AGBL1: variants seen among roughly 807,000 people sequenced by gnomAD.
AGBL1 encodes AGBL carboxypeptidase 1.
Under a neutral mutation model 118.9 loss-of-function variants are expected in AGBL1, and 130 were observed. The ratio of observed to expected loss-of-function variants is 1.09; its 90% confidence interval spans 0.95 to 1.26. The LOEUF (loss-of-function observed/expected upper bound fraction) is 1.26. Ranked by LOEUF, AGBL1 falls within the 50% of genes most tolerant of loss-of-function variation. AGBL1 has a pLI of 0.00. For missense variants in AGBL1, 1,584 were observed against 1,298.1 expected, an observed-to-expected ratio of 1.22 and a Z score of -3.38; for synonymous variants, 555 against 478.9, an observed-to-expected ratio of 1.16 and a Z score of -2.08.
intron 22 of AGBL1, among the ~76,000 whole-genome samples, chr15:86,743,228 C>T (rs978672147): frequency 7.2e-5 from 11 of 152,026 alleles, no homozygotes; most frequent in Admixed American, 6.6e-4. Context: ...AATTCATCTA[C>T]TTAAGTGGGC....
At chr15:86,865,254 A>G (rs958935469) in intron 22 of AGBL1, among the ~76,000 whole-genome samples, 1 of 152,240 alleles carries the variant, frequency 6.6e-6, no homozygotes, top group Admixed American at 6.5e-5. Flanking sequence ...GCTAACTTGC[A>G]TTCCTCATTT....
At chr15:86,805,988 T>C (rs573805564) in intron 22 of AGBL1, among the ~76,000 whole-genome samples, 53 of 152,274 alleles carry the variant, frequency 3.5e-4, no homozygotes, top group African/African-American at 1.3e-3. Context: ...TCAGGGGCTC[T>C]TTCCCCAGAG....
chr15:86,815,164 T>C (rs896169911), intron 22 of AGBL1, among the ~76,000 whole-genome samples: 2 of 152,236 alleles, frequency 1.3e-5, no homozygotes, highest in Non-Finnish European at 2.9e-5. Flanking sequence ...GCTTATGCTT[T>C]AATCTCTCCA....
intron 5 of AGBL1, among the ~76,000 whole-genome samples, chr15:86,196,522 C>T (rs1039285076): frequency 4.6e-5 from 7 of 152,094 alleles, no homozygotes; most frequent in Admixed American, 3.3e-4. Flanking sequence ...CAATCAACAG[C>T]AAGGAGAAGG....
At chr15:87,002,896 T>G (rs1468741652) in intron 24 of AGBL1, among the ~76,000 whole-genome samples, 20 of 152,316 alleles carry the variant, frequency 1.3e-4, no homozygotes, top group Admixed American at 1.2e-3. Context: ...AATGGGGTTT[T>G]CTAGATATAC....
intron 17 of AGBL1, among the ~76,000 whole-genome samples, chr15:86,366,368 C>A (rs530030388): frequency 1.3e-5 from 2 of 152,244 alleles, no homozygotes; most frequent in South Asian, 4.2e-4. Context: ...GAGATCTCTA[C>A]ATATTAATTC....
chr15:86,616,891 A>G (rs2084735411), intron 21 of AGBL1, among the ~76,000 whole-genome samples: 1 of 152,220 alleles, frequency 6.6e-6, no homozygotes, highest in African/African-American at 2.4e-5. Flanking sequence ...CACAGTAAGT[A>G]TTGTGAAAAG....
chr15:86,880,337 C>G (rs1222739088), intron 22 of AGBL1, among the ~76,000 whole-genome samples: 1 of 152,158 alleles, frequency 6.6e-6, no homozygotes, highest in Non-Finnish European at 1.5e-5. Context: ...ATGTGAAATG[C>G]TATTCATAAC....
intron 21 of AGBL1, among the ~76,000 whole-genome samples, chr15:86,669,316 TGAA>T (rs1294315755): frequency 3.3e-5 from 5 of 151,946 alleles, no homozygotes; most frequent in African/African-American, 9.7e-5. Flanking sequence ...TCAATCTAGT[TGAA>T]GAAAGAATTA....
chr15:86,739,838 T>C (rs1351754034), intron 22 of AGBL1, among the ~76,000 whole-genome samples: 1 of 152,198 alleles, frequency 6.6e-6, no homozygotes, highest in Non-Finnish European at 1.5e-5. Flanking sequence ...TCCAGGGTTT[T>C]GTGACACTAA....
intron 22 of AGBL1, among the ~76,000 whole-genome samples, chr15:86,809,006 C>T (rs60217020): frequency 0.017 from 2,581 of 152,088 alleles, 73 homozygotes; most frequent in African/African-American, 0.059. Flanking sequence ...TGGTTTCTTT[C>T]GTAAAGTACT....
At chr15:86,253,136 G>C (rs771131905) in intron 7 of AGBL1, among the ~76,000 whole-genome samples, 1 of 152,194 alleles carries the variant, frequency 6.6e-6, no homozygotes, top group East Asian at 1.9e-4. Context: ...ACATGGCAGA[G>C]CATTGTGAGT....
chr15:86,360,427 C>G (rs969527696), intron 17 of AGBL1, among the ~76,000 whole-genome samples: 1 of 151,424 alleles, frequency 6.6e-6, no homozygotes, highest in East Asian at 1.9e-4. Context: ...TGCATGATCC[C>G]TTTAATATGC....
At chr15:86,227,984 G>C (rs1265234264) in intron 6 of AGBL1, among the ~76,000 whole-genome samples, 2 of 152,166 alleles carry the variant, frequency 1.3e-5, no homozygotes, top group African/African-American at 4.8e-5. Context: ...CGCAAAGTCT[G>C]TCATGGATTT....
At chr15:86,800,170 A>G (rs8041402) in intron 22 of AGBL1, among the ~76,000 whole-genome samples, 16,384 of 151,958 alleles carry the variant, frequency 0.11, 1,325 homozygotes, top group African/African-American at 0.2. Context: ...ATTTGATAGG[A>G]TATTATTTTT....
At chr15:86,234,932 T>C (rs1218477726) in intron 6 of AGBL1, among the ~76,000 whole-genome samples, 1 of 152,226 alleles carries the variant, frequency 6.6e-6, no homozygotes, top group Non-Finnish European at 1.5e-5. Flanking sequence ...CCCCGAGGGT[T>C]GAATGATATC....
At chr15:86,325,001 A>G (rs1337918371) in intron 17 of AGBL1, among the ~76,000 whole-genome samples, 1 of 152,174 alleles carries the variant, frequency 6.6e-6, no homozygotes, top group Admixed American at 6.5e-5. Context: ...GACATTGGAG[A>G]GGTAGACAGG....
chr15:86,359,387 CTTTTTTTTTT>C (rs56189861), intron 17 of AGBL1, among the ~76,000 whole-genome samples: 1 of 93,808 alleles, frequency 1.1e-5, no homozygotes. Flanking sequence ...TATTGGTTTT[CTTTTTTTTTT>C]TTTTTTTTTT....
intron 1 of AGBL1, among the ~76,000 whole-genome samples, chr15:86,119,655 TTGTGTG>T (rs59997626): frequency 0.013 from 1,960 of 148,674 alleles, 35 homozygotes; most frequent in African/African-American, 0.038. Context: ...GAAAAGTAGT[TTGTGTG>T]TGTGTGTGTG....
Sources: allele counts gnomAD v4.1 joint callset (sites outside exome capture counted in the v4.1 genomes callset), GRCh38; gene constraint gnomAD v4.1.1; transcripts MANE v1.5; gene names NCBI Gene and HGNC (gene_info 2026-07-23, HGNC 2026-07-21).